Variants in RANBP3 observed in about 807,000 individuals in gnomAD.
RANBP3 encodes the protein RAN binding protein 3.
RANBP3 carries 14 observed loss-of-function variants against 77.3 expected under a neutral mutation model. The ratio of observed to expected loss-of-function variants is 0.18; its 90% confidence interval spans 0.12 to 0.28. The LOEUF (loss-of-function observed/expected upper bound fraction) is 0.28, where lower values mean the gene tolerates loss of function less well. Ranked by LOEUF, RANBP3 falls within the 10% of genes least tolerant of loss-of-function variation. The pLI, the probability that RANBP3 is intolerant of heterozygous loss-of-function variation, is 1.00. For missense variants in RANBP3, 586 were observed against 752.3 expected (o/e 0.78, Z 2.59); for synonymous variants, 315 against 312.4 (o/e 1.01, Z -0.09).
At position 5,978,054 on chromosome 19, in the gene RANBP3, C is replaced by G. The variant is rs374234873; in HGVS notation, c.22+7G>C. On this transcript the variant is annotated splice_region_variant and intron_variant, in intron 1 of 16. Transcript: ENST00000340578. Reference sequence around the variant, plus strand: ...CGCCAGCCGGTCCCCAACGGCGCCTCCCCTACCTTCGTTCGCCAGGTCCGC... The same window carrying G: ...CGCCAGCCGGTCCCCAACGGCGCCTGCCCTACCTTCGTTCGCCAGGTCCGC... 303 of 1,610,736 alleles carry G rather than the reference C, an allele frequency of 1.9e-4. 1 individual carries two copies. The highest frequency in any genetic ancestry group is 2.4e-4 in the Non-Finnish European group (282 of 1,178,764).
intron 9 of RANBP3, among the ~76,000 whole-genome samples, chr19:5,926,635 CCT>C (rs1431893981): frequency 1.3e-5 from 2 of 152,164 alleles, no homozygotes; most frequent in African/African-American, 4.8e-5. Context: ...TGCACGTAAG[CCT>C]CTGACTTCTG....
intron 15 of RANBP3, 110 bp downstream of exon 15, chr19:5,918,386 A>ACGGGGGGGGGGGGGGGGGGGGGGGGG: frequency 1.6e-6 from 1 of 617,696 alleles, no homozygotes; most frequent in Non-Finnish European, 2.5e-6. Context: ...GAAGCAACTG[A>ACGGGGGGGGGGGGGGGGGGGGGGGGG]AGCCCCTCCC....
At chr19:5,918,395 CCCCCT>C (rs1599713116) in intron 15 of RANBP3, 96 bp downstream of exon 15, 1 of 248,630 alleles carries the variant, frequency 4.0e-6, no homozygotes, top group Non-Finnish European at 7.9e-6. Context: ...GAAGCCCCTC[CCCCCT>C]CCCCTCCCCA....
chr19:5,944,418 C>T (rs1382703618), intron 3 of RANBP3, among the ~76,000 whole-genome samples: 1 of 152,202 alleles, frequency 6.6e-6, no homozygotes, highest in East Asian at 1.9e-4. Context: ...TATCGCTTGC[C>T]CTCATACTTA....
At chr19:5,961,110 A>AC (rs2058394347) in intron 1 of RANBP3, among the ~76,000 whole-genome samples, 1 of 152,130 alleles carries the variant, frequency 6.6e-6, no homozygotes, top group South Asian at 2.1e-4. Flanking sequence ...TCTGGCCTCC[A>AC]CAGAGCAGCC....
intron 5 of RANBP3, chr19:5,935,695 T>G (rs1194144931): frequency 8.8e-6 from 4 of 456,482 alleles, no homozygotes; most frequent in African/African-American, 6.0e-5. Context: ...CTGCCACTAG[T>G]GCTAGGCCCA....
intron 5 of RANBP3, 61 bp downstream of exon 5, chr19:5,941,559 AG>A (rs1369994016): frequency 7.1e-7 from 1 of 1,408,110 alleles, no homozygotes. Context: ...CGCGGCACTG[AG>A]GGGAATGGCG....
intron 1 of RANBP3, among the ~76,000 whole-genome samples, chr19:5,966,806 A>T (rs1489944687): frequency 6.6e-6 from 1 of 152,254 alleles, no homozygotes; most frequent in African/African-American, 2.4e-5. Flanking sequence ...TCATCTAGAA[A>T]GCAATTGAGA....
At chr19:5,925,495 A>G (rs2057892829) in intron 10 of RANBP3, 139 bp downstream of exon 10, 1 of 706,048 alleles carries the variant, frequency 1.4e-6, no homozygotes, top group Non-Finnish European at 2.5e-6. Context: ...CAGAGTGGGG[A>G]ATGAGAGAGA....
chr19:5,928,231 G>A, intron 8 of RANBP3, 144 bp from the exon 9 acceptor site: 1 of 949,922 alleles, frequency 1.1e-6, no homozygotes, highest in Non-Finnish European at 1.5e-6. Context: ...AGAAGGCTGA[G>A]ACAGGAGGAC....
chr19:5,941,118 A>G (rs1421948242), intron 5 of RANBP3, among the ~76,000 whole-genome samples: 5 of 152,132 alleles, frequency 3.3e-5, no homozygotes, highest in Non-Finnish European at 5.9e-5. Flanking sequence ...ACAGCATCAC[A>G]CACGGGCCTC....
intron 16 of RANBP3, 39 bp from the exon 17 acceptor site, chr19:5,917,692 G>A (rs370982167): frequency 1.3e-5 from 20 of 1,597,414 alleles, no homozygotes; most frequent in African/African-American, 2.7e-5. Flanking sequence ...GATGGAGCCC[G>A]CACTTCCCAG....
chr19:5,931,768 C>T (rs1244142484), intron 7 of RANBP3, among the ~76,000 whole-genome samples: 2 of 152,168 alleles, frequency 1.3e-5, no homozygotes, highest in South Asian at 2.1e-4. Context: ...CACAGTGGCT[C>T]ATGTCTGTGG....
intron 3 of RANBP3, among the ~76,000 whole-genome samples, chr19:5,949,158 T>C (rs2058244592): frequency 6.6e-6 from 1 of 152,196 alleles, no homozygotes; most frequent in Admixed American, 6.5e-5. Context: ...GGATGAGACC[T>C]GCCGGGTAAC....
rs1017668729 is a variant in RANBP3 at position 5,974,182 on chromosome 19, C to T, written c.22+3879G>A. Among the ~76,000 whole-genome samples, 7 of 152,294 alleles carry T rather than the reference C, an allele frequency of 4.6e-5. No individual in the cohort carries two copies. In the East Asian group the frequency reaches 1.4e-3, roughly 29 times the overall value. ...GATCCTGCAACGCACAGGACAGCCC[C>T]TCCCGCCAAAGAGAGCCATCAAAAC... On this transcript the variant is annotated intron_variant, in intron 1 of 16. Transcript: ENST00000340578.
intron 3 of RANBP3, among the ~76,000 whole-genome samples, chr19:5,944,545 C>A (rs1208220322): frequency 2.0e-5 from 3 of 152,246 alleles, no homozygotes; most frequent in Admixed American, 6.5e-5. Context: ...CCTCGACGGG[C>A]CCTTACATCA....
chr19:5,967,903 G>C (rs1476656727), intron 1 of RANBP3, among the ~76,000 whole-genome samples: 1 of 152,220 alleles, frequency 6.6e-6, no homozygotes, highest in Non-Finnish European at 1.5e-5. Context: ...TGTAATCCCA[G>C]CTACTCGGGA....
rs1272413572 is a variant in RANBP3, at chr19:5,958,065, A to AT, written c.23-93dup. The AT allele has an allele frequency of 1.6e-5, 19 of 1,172,720 alleles. No individual in the cohort carries two copies. The African/African-American group carries it at 2.9e-4, about 18-fold the overall frequency. The allele number at this position is 1,172,720 out of a possible 1,614,324, so 72.6% of individuals were successfully genotyped here. A position where few individuals can be genotyped will look rare whatever the true frequency, so the allele number is the denominator to read the frequency against. On this transcript the variant is annotated intron_variant, in intron 1 of 16. Coordinates refer to ENST00000340578, the MANE Select transcript of RANBP3 (RefSeq NM_007322.3). The surrounding 1 kb of genome is among the most constrained non-coding windows in gnomAD (Gnocchi z 4.4). ...TGTTTGTAATATGTTAAACATATAT[A>AT]TAAATGAAACTAGTAACTCCAGAGA...
intron 1 of RANBP3, chr19:5,962,626 G>A (rs1370829261): frequency 4.4e-6 from 2 of 455,564 alleles, no homozygotes; most frequent in Middle Eastern, 3.3e-4. Context: ...GGCCCATTGG[G>A]ACCCCTGCTG....
Sources: gnomAD v4.1 joint callset for allele counts (sites outside exome capture counted in the v4.1 genomes callset) on GRCh38, gnomAD v4.1.1 for gene constraint, Gnocchi (gnomAD v3.1) non-coding constraint, MANE v1.5 for transcripts, NCBI Gene and HGNC (gene_info 2026-07-23, HGNC 2026-07-21) for gene names.